Variants in FGFR1 observed in about 807,000 individuals in gnomAD.
FGFR1 encodes the protein fibroblast growth factor receptor 1, also known as FGFR1/PLAG1 fusion.
In FGFR1, 18 loss-of-function variants were observed where a neutral mutation model predicts 93.7. The observed-to-expected ratio is 0.19, with a 90% CI of 0.13 to 0.28. The LOEUF is 0.28. FGFR1 is among the 10% of genes least tolerant of loss of function. FGFR1 has a pLI of 1.00. For missense variants in FGFR1, 731 were observed against 1,080.4 expected, an observed-to-expected ratio of 0.68 and a Z score of 4.53; for synonymous variants, 448 against 429.3, an observed-to-expected ratio of 1.04 and a Z score of -0.54.
chr8:38,417,816 TG>T, intron 11 of FGFR1, 53 bp downstream of exon 11: 1 of 1,614,002 alleles, frequency 6.2e-7, no homozygotes. Flanking sequence ...CGAGGCCTGC[TG>T]TTTGCTTGGA....
In FGFR1 at chr8:38,412,599, GGAA is replaced by G. The variant is rs2150488566; in HGVS notation, c.*1026_*1028del. The G allele has an allele frequency of 8.6e-6, 2 of 233,614 alleles. No homozygotes were observed. Among genetic ancestry groups the G allele is most frequent in the Non-Finnish European group, 1.7e-5 (2 of 118,022 alleles). 14.5% of individuals were successfully genotyped at this position (233,614 alleles called of 1,614,324 possible). A position where few individuals can be genotyped will look rare whatever the true frequency, so the allele number is the denominator to read the frequency against. ...TCGTGAGGTCTGGGTGCAGGACCTA[GGAA>G]GAAGAGGTTACAAGGAACCTGCGCC... On this transcript the variant is annotated 3_prime_UTR_variant, in exon 18 of 18. Coordinates refer to ENST00000447712, the MANE Select transcript of FGFR1 (RefSeq NM_023110.3).
At position 38,424,010 on chromosome 8, in the gene FGFR1, G is replaced by A. The variant is rs1380086362; in HGVS notation, c.936+499C>T. The A allele has an allele frequency of 4.5e-6, 1 of 220,706 alleles. No individual in the cohort carries two copies. Among genetic ancestry groups the A allele is most frequent in the African/African-American group, 2.3e-5 (1 of 43,706 alleles). The allele number at this position is 220,706 out of a possible 1,614,324, so 13.7% of individuals were successfully genotyped here. ...GAATGTCTGGGAGTGAGAGGAAAAA[G>A]GAAGAAAATGCCATTACTCCTCGTC... is the stretch of plus-strand genomic sequence containing the variant. On this transcript the variant is annotated intron_variant, in intron 7 of 17. Transcript: ENST00000447712. The surrounding 1 kb of genome is among the most constrained non-coding windows in gnomAD (Gnocchi z 4.3).
chr8:38,448,073 C>A (rs181110053), intron 2 of FGFR1, among the ~76,000 whole-genome samples: 1 of 152,168 alleles, frequency 6.6e-6, no homozygotes, highest in East Asian at 1.9e-4. Context: ...ATGCTGATAT[C>A]AGTCACAAAA....
At chr8:38,457,652 G>A (rs974429430) in intron 1 of FGFR1, 118 bp from the exon 2 acceptor site, 63 of 985,652 alleles carry the variant, frequency 6.4e-5, no homozygotes, top group Non-Finnish European at 8.4e-5. Context: ...TTACTAAGGC[G>A]TCCAGAAGAA....
At chr8:38,455,669 G>C (rs752796197) in intron 2 of FGFR1, among the ~76,000 whole-genome samples, 7 of 152,098 alleles carry the variant, frequency 4.6e-5, no homozygotes, top group Admixed American at 1.3e-4. Context: ...TTGTTTCCCA[G>C]AGCTACCTAC....
intron 2 of FGFR1, among the ~76,000 whole-genome samples, chr8:38,442,369 G>A (rs1324185204): frequency 6.6e-6 from 1 of 151,396 alleles, no homozygotes; most frequent in Non-Finnish European, 1.5e-5. Flanking sequence ...AGTGGTGTGT[G>A]TGTGTGTGTG....
chr8:38,453,558 T>C (rs566294665), intron 2 of FGFR1, among the ~76,000 whole-genome samples: 26 of 152,150 alleles, frequency 1.7e-4, no homozygotes, highest in Non-Finnish European at 3.7e-4. Flanking sequence ...GGCTTGCACA[T>C]GAAGGTTCAC....
chr8:38,462,676 G>A (rs112197041), intron 1 of FGFR1, among the ~76,000 whole-genome samples: 4 of 151,450 alleles, frequency 2.6e-5, no homozygotes, highest in African/African-American at 7.3e-5. Context: ...TTGCAGTGGC[G>A]CAATCTTGGC....
At chr8:38,431,178 G>A (rs1822971767) in intron 2 of FGFR1, among the ~76,000 whole-genome samples, 1 of 152,184 alleles carries the variant, frequency 6.6e-6, no homozygotes, top group African/African-American at 2.4e-5. Flanking sequence ...AGCCCCTGCT[G>A]TGGCTCACGG....
Position 38,428,092 on chromosome 8 carries a change from G to A in FGFR1, c.450C>T (p.Pro150=), listed in dbSNP as rs766091702. 12 of 1,613,958 alleles carry A rather than the reference G, an allele frequency of 7.4e-6. No individual in the cohort carries two copies. The Admixed American group carries it at 1.2e-4, about 16-fold the overall frequency. The change falls in exon 5 of 18, where the codon CCC becomes CCT. Residue 150 remains proline (P), a splice_region_variant and synonymous_variant. Coordinates refer to ENST00000447712, the MANE Select transcript of FGFR1 (RefSeq NM_023110.3). ...ETDNTKPNRM[P]VAPYWTSPEK... ...CTGGGGATGTCCAATATGGAGCTAC[G>A]GCTGCCCGGGGAAAGCCAAGAGAGA...
intron 2 of FGFR1, among the ~76,000 whole-genome samples, chr8:38,432,685 G>A (rs1233640089): frequency 1.3e-5 from 2 of 152,148 alleles, no homozygotes; most frequent in Admixed American, 1.3e-4. Flanking sequence ...CATGAGCCAT[G>A]GCGCCCAGCC....
At chr8:38,456,357 C>T (rs1372780934) in intron 2 of FGFR1, among the ~76,000 whole-genome samples, 2 of 152,210 alleles carry the variant, frequency 1.3e-5, no homozygotes, top group Non-Finnish European at 2.9e-5. Flanking sequence ...TCACACAGAT[C>T]CCAAGAATGG....
Position 38,419,645 on chromosome 8 carries a change from A to G in FGFR1, c.1172T>C (p.Val391Ala), listed in dbSNP as rs527372786. 1 of 1,614,016 alleles carries G rather than the reference A, an allele frequency of 6.2e-7. No individual in the cohort carries two copies. The highest frequency in any genetic ancestry group is 1.3e-5 in the African/African-American group (1 of 74,992). The change falls in exon 9 of 18, where the codon GTG (valine) becomes GCG (alanine). Residue 391 changes from valine to alanine, a missense_variant. Val to Ala is a moderately conservative substitution (Grantham distance 64). Transcript: ENST00000447712. ...CATCTTGTAGACGATGACCGACCCC[A>G]CCATGCAGGAGATGAGGAAGGCCCC... ...CTGAFLISCM[V>A]GSVIVYKMKS... is the part of the protein sequence containing the mutation.
intron 16 of FGFR1, 61 bp downstream of exon 16, chr8:38,414,091 C>T (rs2150527289): frequency 6.2e-7 from 1 of 1,614,044 alleles, no homozygotes; most frequent in Non-Finnish European, 8.5e-7. Context: ...GCCCCCTGCC[C>T]CTCAAGCCCA....
intron 15 of FGFR1, 43 bp downstream of exon 15, chr8:38,414,516 T>G (rs936574777): frequency 1.2e-6 from 2 of 1,607,762 alleles, no homozygotes; most frequent in Admixed American, 3.3e-5. Context: ...TGCTAGAAGC[T>G]CTCTATCCCA....
Position 38,413,328 on chromosome 8 carries a change from C to T in FGFR1, c.*300G>A. Reference sequence around the variant, plus strand: ...GCATGCCTGTTCATTGGCTCCCACTCCCTGCCCTCCAGGCAGTGCCTGGTG... The same window carrying T: ...GCATGCCTGTTCATTGGCTCCCACTTCCTGCCCTCCAGGCAGTGCCTGGTG... On this transcript the variant is annotated 3_prime_UTR_variant, in exon 18 of 18. Transcript: ENST00000447712. The surrounding 1 kb of genome is among the most constrained non-coding windows in gnomAD (Gnocchi z 4.2). 2 of 485,210 alleles carry T rather than the reference C, an allele frequency of 4.1e-6. No individual in the cohort carries two copies. Among genetic ancestry groups the T allele is most frequent in the Non-Finnish European group, 7.4e-6 (2 of 271,882 alleles). 30.1% of individuals were successfully genotyped at this position (485,210 alleles called of 1,614,324 possible).
chr8:38,458,756 CTTTCTT>C (rs999889436), intron 1 of FGFR1: 3 of 219,608 alleles, frequency 1.4e-5, no homozygotes, highest in Admixed American at 5.8e-5. Flanking sequence ...CTCCTGGGTA[CTTTCTT>C]TTTGTCTCTA....
At chr8:38,462,365 G>T (rs1387959798) in intron 1 of FGFR1, among the ~76,000 whole-genome samples, 1 of 151,938 alleles carries the variant, frequency 6.6e-6, no homozygotes, top group East Asian at 2.0e-4. Flanking sequence ...TTAGCTGCGT[G>T]CAGTGGCGCG....
chr8:38,416,925 G>C (rs375460344), intron 12 of FGFR1, among the ~76,000 whole-genome samples: 2 of 151,096 alleles, frequency 1.3e-5, no homozygotes, highest in Non-Finnish European at 3.0e-5. Flanking sequence ...GCTAACTTTT[G>C]TATTTTTTAG....
Sources: allele counts gnomAD v4.1 joint callset (sites outside exome capture counted in the v4.1 genomes callset), GRCh38; gene constraint gnomAD v4.1.1; non-coding constraint Gnocchi (gnomAD v3.1); transcripts MANE v1.5; gene names NCBI Gene and HGNC (gene_info 2026-07-23, HGNC 2026-07-21).